The following HERC1 variants were observed in gnomAD, a reference collection of about 807,000 sequenced individuals.
The protein encoded by HERC1 is probable E3 ubiquitin-protein ligase HERC1.
HERC1 carries 160 observed loss-of-function variants against 554.3 expected under a neutral mutation model. That is an observed-to-expected ratio of 0.29 (90% CI 0.25 to 0.33). The LOEUF (loss-of-function observed/expected upper bound fraction) is 0.33. HERC1 is among the 10% of genes least tolerant of loss of function. The pLI, the probability that HERC1 is intolerant of heterozygous loss-of-function variation, is 1.00. For missense variants in HERC1, 4,919 were observed against 5,918.5 expected (o/e 0.83, Z 5.54); for synonymous variants, 2,175 against 2,131.7 (o/e 1.02, Z -0.56).
chr15:63,821,646 A>C (rs920233491), intron 1 of HERC1, among the ~76,000 whole-genome samples: 9 of 140,588 alleles, frequency 6.4e-5, no homozygotes, highest in Non-Finnish European at 1.2e-4. Context: ...GGATCACCTG[A>C]GTCTTGGGAG....
At chr15:63,698,701 C>T (rs1046771968) in intron 26 of HERC1, 27 bp downstream of exon 26, 36 of 1,600,268 alleles carry the variant, frequency 2.2e-5, no homozygotes, top group Non-Finnish European at 3.1e-5. Context: ...CCAGAGCTCT[C>T]ATAAGGAGTA....
intron 19 of HERC1, among the ~76,000 whole-genome samples, chr15:63,719,121 G>A (rs537152858): frequency 1.4e-4 from 22 of 152,286 alleles, no homozygotes; most frequent in South Asian, 8.3e-4. Context: ...TTGTTAGGAG[G>A]AGCAGGGTGG....
At position 63,672,503 on chromosome 15, in the gene HERC1, G is replaced by T; in HGVS notation, c.8038C>A (p.Leu2680Ile). ...AAAGGTCAACTTCTCTACCTGAGAA[G>T]ACTAAGAGGCATCACTCCCGGGGAC... ...SESPGVMPLS[L>I]LRQMFSSYPT... is the part of the protein sequence containing the mutation. Residue 2680 changes from leucine to isoleucine, a missense_variant, in exon 39 of 78, where the codon CTT becomes ATT. Transcript: ENST00000443617. The T allele has an allele frequency of 6.3e-7, 1 of 1,590,850 alleles. No individual in the cohort carries two copies. The highest frequency in any genetic ancestry group is 1.1e-5 in the South Asian group (1 of 87,432).
chr15:63,667,971 T>G (rs2070724742), intron 40 of HERC1, among the ~76,000 whole-genome samples: 1 of 152,196 alleles, frequency 6.6e-6, no homozygotes, highest in Non-Finnish European at 1.5e-5. Flanking sequence ...CTCATCTTTA[T>G]GGAGTCAAAA....
At chr15:63,695,711 A>G (rs1303091286) in intron 27 of HERC1, among the ~76,000 whole-genome samples, 5 of 152,106 alleles carry the variant, frequency 3.3e-5, no homozygotes, top group African/African-American at 1.2e-4. Context: ...CTATTTCCTC[A>G]CAAAGCAGTT....
In HERC1 at chr15:63,633,933, G is replaced by C. The variant is rs1243706885; in HGVS notation, c.12608C>G (p.Ala4203Gly). Residue 4203 changes from alanine (A) to glycine (G), a missense_variant, in exon 67 of 78, where the codon GCA becomes GGA. By Grantham distance (60) the Ala-to-Gly change is moderately conservative (BLOSUM62 0). Around this residue, in one of 11 missense-constraint regions of HERC1, gnomAD observed 410 missense variants for 467.0 expected, o/e 0.88. Coordinates refer to ENST00000443617, the MANE Select transcript of HERC1 (RefSeq NM_003922.4). ...AAAAGCCCACACCATGGAACCATCT[G>C]CTGACACTGCCAAAGTGTGGTTTAA... The part of the protein sequence containing the change: ...CGLNHTLAVS[A>G]DGSMVWAFGD... The C allele has an allele frequency of 8.1e-6, 13 of 1,613,890 alleles. No individual in the cohort carries two copies. The highest frequency in any genetic ancestry group is 1.0e-5 in the Non-Finnish European group (12 of 1,179,830).
At chr15:63,652,272 C>A in intron 52 of HERC1, 142 bp downstream of exon 52, 1 of 537,074 alleles carries the variant, frequency 1.9e-6, no homozygotes, top group South Asian at 3.6e-5. Context: ...GTTAAAAATA[C>A]ACACTGAAAA....
chr15:63,694,745 C>G lies in HERC1; in HGVS notation c.5242+29G>C, dbSNP rs931783824. ...ACCTCGGGCTAAAATGTAACCTGCACTGTACATTTGCAGGAACCGTTTACT... is the reference window on the plus strand; with the variant it reads ...ACCTCGGGCTAAAATGTAACCTGCAGTGTACATTTGCAGGAACCGTTTACT... On this transcript the variant is annotated intron_variant, in intron 28 of 77. Coordinates refer to ENST00000443617, the MANE Select transcript of HERC1 (RefSeq NM_003922.4). The surrounding 1 kb of genome is among the most constrained non-coding windows in gnomAD (Gnocchi z 4.3). 1.2e-6 allele frequency: 2 copies of G among 1,613,548 alleles called. No homozygotes were observed. Among genetic ancestry groups the G allele is most frequent in the East Asian group, 4.5e-5 (2 of 44,876 alleles).
chr15:63,740,505 G>GTT (rs2074751665), intron 12 of HERC1, among the ~76,000 whole-genome samples: 1 of 152,188 alleles, frequency 6.6e-6, no homozygotes, highest in Non-Finnish European at 1.5e-5. Context: ...GGAACTGCCT[G>GTT]TTTTCCAAAG....
At chr15:63,740,209 C>T (rs1402407667) in intron 12 of HERC1, among the ~76,000 whole-genome samples, 3 of 152,190 alleles carry the variant, frequency 2.0e-5, no homozygotes, top group African/African-American at 4.8e-5. Context: ...TGCATCCAGC[C>T]ACTTAGGATA....
chr15:63,690,778 C>A (rs567826851), intron 31 of HERC1, 131 bp from the exon 32 acceptor site: 11 of 625,540 alleles, frequency 1.8e-5, no homozygotes, highest in Non-Finnish European at 2.6e-5. Context: ...AAACTATTAT[C>A]GCAAGAATTC....
chr15:63,760,207 C>G (rs749972173), intron 3 of HERC1, among the ~76,000 whole-genome samples: 1 of 151,736 alleles, frequency 6.6e-6, no homozygotes, highest in African/African-American at 2.4e-5. Flanking sequence ...AACTGGAAAA[C>G]GACTTTTTTT....
In HERC1 at chr15:63,833,135, T is replaced by A. The variant is rs2078213768; in HGVS notation, c.-27+692A>T. ...ACAGATTTCACCATGTTCCCCGGGG[T>A]AGCTCCTGTCATCACCATCATCATC... On this transcript the variant is annotated intron_variant, in intron 1 of 77. Coordinates refer to ENST00000443617, the MANE Select transcript of HERC1 (RefSeq NM_003922.4). Among the ~76,000 whole-genome samples, 2 of 152,058 alleles carry A rather than the reference T, an allele frequency of 1.3e-5. 1 individual carries two copies. The highest frequency in any genetic ancestry group is 4.1e-4 in the South Asian group (2 of 4,828).
Position 63,666,087 on chromosome 15 carries a change from G to C in HERC1, c.8387C>G (p.Pro2796Arg). 6.2e-7 allele frequency: 1 copy of C among 1,614,024 alleles called. No individual in the cohort carries two copies. The highest frequency in any genetic ancestry group is 8.5e-7 in the Non-Finnish European group (1 of 1,179,878). The change falls in exon 42 of 78, where the codon CCT (proline) becomes CGT (arginine). Residue 2796 changes from proline to arginine, a missense_variant. By Grantham distance (103) the Pro-to-Arg change is moderately radical. Around this residue, in one of 11 missense-constraint regions of HERC1, gnomAD observed 1,963 missense variants for 2,228.6 expected, o/e 0.88. Transcript: ENST00000443617. ...GGGCTCCTCTTCATCCTCATGCCCAGGGTGCTCTATCATCCACATGGCAAG... is the reference window on the plus strand; with the variant it reads ...GGGCTCCTCTTCATCCTCATGCCCACGGTGCTCTATCATCCACATGGCAAG... ...TVLAMWMIEH[P>R]GHEDEEEPQS...
At position 63,633,857 on chromosome 15, in the gene HERC1, A is replaced by T; in HGVS notation, c.12684T>A (p.Ser4228=). ...KLGLGNSTAK[S]SPQKIDVLCG... ...TCAAGGCAGTACTGACCTGAGGTGA[A>T]GATTTTGCAGTGGAATTTCCTAAGC... Residue 4228 remains serine (S), a synonymous_variant, in exon 67 of 78, where the codon TCT becomes TCA. Coordinates refer to ENST00000443617, the MANE Select transcript of HERC1 (RefSeq NM_003922.4). The T allele has an allele frequency of 1.2e-6, 2 of 1,613,106 alleles. No individual in the cohort carries two copies. Among genetic ancestry groups the T allele is most frequent in the Non-Finnish European group, 1.7e-6 (2 of 1,179,454 alleles).
intron 1 of HERC1, among the ~76,000 whole-genome samples, chr15:63,807,666 T>C (rs1567148014): frequency 6.6e-6 from 1 of 152,288 alleles, no homozygotes; most frequent in East Asian, 1.9e-4. Flanking sequence ...AGGTTCACAA[T>C]CAACTGTCCC....
At chr15:63,791,379 T>A (rs2076648763) in intron 1 of HERC1, among the ~76,000 whole-genome samples, 1 of 152,210 alleles carries the variant, frequency 6.6e-6, no homozygotes, top group Admixed American at 6.5e-5. Context: ...ATACATATAT[T>A]ACAAATACGA....
intron 1 of HERC1, among the ~76,000 whole-genome samples, chr15:63,810,901 T>C (rs1177913158): frequency 6.6e-6 from 1 of 152,196 alleles, no homozygotes; most frequent in African/African-American, 2.4e-5. Flanking sequence ...ATCACCTACA[T>C]AGTGTTAATG....
At chr15:63,687,611 C>A (rs1434983408) in intron 33 of HERC1, among the ~76,000 whole-genome samples, 16 of 152,094 alleles carry the variant, frequency 1.1e-4, no homozygotes, top group Admixed American at 1.0e-3. Flanking sequence ...CATCTCTATT[C>A]TCTGCCAGGT....
Sources: allele counts gnomAD v4.1 joint callset (sites outside exome capture counted in the v4.1 genomes callset), GRCh38; gene constraint gnomAD v4.1.1; regional missense constraint gnomAD v4.1.1; non-coding constraint Gnocchi (gnomAD v3.1); transcripts MANE v1.5; gene names NCBI Gene and HGNC (gene_info 2026-07-23, HGNC 2026-07-21).